Variants in CYP4F22 observed in about 807,000 individuals in gnomAD.
CYP4F22 encodes the protein cytochrome P450 family 4 subfamily F member 22.
A neutral mutation model predicts 60.4 loss-of-function variants in CYP4F22; 37 were observed. That is an observed-to-expected ratio of 0.61 (90% CI 0.47 to 0.81). The LOEUF (loss-of-function observed/expected upper bound fraction) is 0.81. Ranked by LOEUF, CYP4F22 falls within the 30% of genes least tolerant of loss-of-function variation. CYP4F22 has a pLI of 0.00. For missense variants in CYP4F22, 655 were observed against 715.0 expected, an observed-to-expected ratio of 0.92 and a Z score of 0.96; for synonymous variants, 258 against 280.5, an observed-to-expected ratio of 0.92 and a Z score of 0.80.
At chr19:15,538,126 C>T (rs773365465) in intron 7 of CYP4F22, 133 bp downstream of exon 7, 94 of 1,257,052 alleles carry the variant, frequency 7.5e-5, no homozygotes, top group Non-Finnish European at 9.7e-5. Context: ...CATGTGCTTC[C>T]GGGAAACTGA....
At position 15,551,439 on chromosome 19, in the gene CYP4F22, C is replaced by T; in HGVS notation, c.1564C>T (p.Leu522Phe). ...ACTGCGCACGGAGAACGGGCTCTGG[C>T]TCAAGGTGGAGCCGCTGCCTCCGCG... Reference protein sequence around the residue: ...LILRTENGLWLKVEPLPPRA With the variant: ...LILRTENGLWFKVEPLPPRA Residue 522 changes from leucine (L) to phenylalanine (F), a missense_variant, in exon 14 of 14, where the codon CTC (leucine) becomes TTC (phenylalanine). Transcript: ENST00000269703. 5 of 1,579,450 alleles carry T rather than the reference C, an allele frequency of 3.2e-6. No homozygotes were observed. Among genetic ancestry groups the T allele is most frequent in the Non-Finnish European group, 4.3e-6 (5 of 1,163,296 alleles).
chr19:15,517,153 G>A (rs1971165392), intron 1 of CYP4F22, among the ~76,000 whole-genome samples: 3 of 139,650 alleles, frequency 2.1e-5, no homozygotes, highest in Non-Finnish European at 3.0e-5. Flanking sequence ...CCCCACAGTG[G>A]CTGCACTATT....
chr19:15,543,843 C>T (rs945918539), intron 8 of CYP4F22, 128 bp from the exon 9 acceptor site: 163 of 946,982 alleles, frequency 1.7e-4, no homozygotes, highest in Admixed American at 8.3e-4. Context: ...GGTGATAGAG[C>T]GAGACTCCAT....
At chr19:15,526,105 C>T (rs1971279967) in intron 3 of CYP4F22, among the ~76,000 whole-genome samples, 1 of 151,998 alleles carries the variant, frequency 6.6e-6, no homozygotes, top group Non-Finnish European at 1.5e-5. Context: ...TTTGAGGCTG[C>T]AGTGAGCTAT....
intron 8 of CYP4F22, 93 bp downstream of exon 8, chr19:15,540,810 C>T (rs1164529877): frequency 2.8e-5 from 42 of 1,505,622 alleles, no homozygotes; most frequent in Admixed American, 1.8e-4. Context: ...CTCCATTAGG[C>T]GTGGTGGCTC....
chr19:15,551,107 T>C (rs188862275), intron 13 of CYP4F22, among the ~76,000 whole-genome samples, 187 bp from the exon 14 acceptor site: 1 of 152,298 alleles, frequency 6.6e-6, no homozygotes, highest in East Asian at 1.9e-4. Flanking sequence ...ATTCAGACAC[T>C]CAACCCCAAG....
intron 1 of CYP4F22, among the ~76,000 whole-genome samples, chr19:15,519,842 C>T (rs986925277): frequency 1.3e-5 from 2 of 152,156 alleles, no homozygotes; most frequent in African/African-American, 4.8e-5. Flanking sequence ...ACCCACCCCA[C>T]ACCCACTGAC....
Position 15,549,179 on chromosome 19 carries a change from C to T in CYP4F22, c.1312C>T (p.Pro438Ser). The change falls in exon 12 of 14, where the codon CCC becomes TCC. Residue 438 changes from proline (P) to serine (S), a missense_variant. By Grantham distance (74) the Pro-to-Ser change is moderately conservative (BLOSUM62 -1). Around this residue, in one of 3 missense-constraint regions of CYP4F22, gnomAD observed 151 missense variants for 139.4 expected, o/e 1.08. Coordinates refer to ENST00000269703, the MANE Select transcript of CYP4F22 (RefSeq NM_173483.4). ...LVSIYGTHHN[P>S]TVWPDSKVYN... ...CAGCATCTATGGAACCCACCACAAC[C>T]CCACAGTGTGGCCTGACTCCAAGGT... 6.2e-7 allele frequency: 1 copy of T among 1,614,072 alleles called. No homozygotes were observed.
At chr19:15,541,149 G>A (rs1211332986) in intron 8 of CYP4F22, among the ~76,000 whole-genome samples, 1 of 152,214 alleles carries the variant, frequency 6.6e-6, no homozygotes, top group Admixed American at 6.5e-5. Flanking sequence ...GATGGGGTCA[G>A]AACATGTAAG....
At chr19:15,548,030 TGTGTGTGTGTG>T in intron 10 of CYP4F22, 67 bp from the exon 11 acceptor site, 1 of 1,322,268 alleles carries the variant, frequency 7.6e-7, no homozygotes, top group African/African-American at 1.5e-5. Flanking sequence ...TGTGTGTGTG[TGTGTGTGTGTG>T]TGTGTGTGTT....
chr19:15,537,226 G>A, intron 4 of CYP4F22, 135 bp from the exon 5 acceptor site: 2 of 1,148,626 alleles, frequency 1.7e-6, no homozygotes, highest in Admixed American at 3.8e-5. Flanking sequence ...GCTTGAACCT[G>A]GGAGGCGGAG....
intron 1 of CYP4F22, among the ~76,000 whole-genome samples, chr19:15,520,733 G>T (rs1452103639): frequency 6.6e-6 from 1 of 150,876 alleles, no homozygotes; most frequent in Non-Finnish European, 1.5e-5. Flanking sequence ...TACTACAGGC[G>T]AATGCTGCCA....
chr19:15,513,343 T>C (rs892181141), intron 1 of CYP4F22, among the ~76,000 whole-genome samples: 12 of 122,848 alleles, frequency 9.8e-5, no homozygotes, highest in Admixed American at 1.7e-4. Flanking sequence ...GCCCTGCTAA[T>C]TTTTTGTATA....
At chr19:15,515,811 C>T (rs1021670437) in intron 1 of CYP4F22, among the ~76,000 whole-genome samples, 1 of 151,928 alleles carries the variant, frequency 6.6e-6, no homozygotes, top group African/African-American at 2.4e-5. Context: ...GCAAGCTCTG[C>T]CTCCTGGGTT....
chr19:15,537,306 AC>A (rs1971406597), intron 4 of CYP4F22, 54 bp from the exon 5 acceptor site: 13 of 1,611,060 alleles, frequency 8.1e-6, no homozygotes, highest in Non-Finnish European at 1.1e-5. Flanking sequence ...GTAAAAAAAA[AC>A]AAAAAACCAA....
chr19:15,509,505 G>T lies in CYP4F22; in HGVS notation c.-109+922G>T, dbSNP rs79024648. Among the ~76,000 whole-genome samples, 912 of 152,244 alleles carry T rather than the reference G, an allele frequency of 6.0e-3. 9 individuals carry two copies. The highest frequency in any genetic ancestry group is 0.02 in the African/African-American group (843 of 41,540). ...CTGGAGCTGTGCCCAGCCAGGGCTGGCAGCATCAAACTCCTTCTTGTGTAA... is the reference window on the plus strand; with the variant it reads ...CTGGAGCTGTGCCCAGCCAGGGCTGTCAGCATCAAACTCCTTCTTGTGTAA... On this transcript the variant is annotated intron_variant, in intron 1 of 13. Transcript: ENST00000269703.
At chr19:15,516,174 A>G (rs1971152814) in intron 1 of CYP4F22, 1 of 152,266 alleles carries the variant, frequency 6.6e-6, no homozygotes, top group African/African-American at 2.4e-5. Flanking sequence ...AGATATTTGT[A>G]CTAGACATGC....
At chr19:15,536,914 AG>A (rs1971400376) in intron 4 of CYP4F22, among the ~76,000 whole-genome samples, 2 of 152,116 alleles carry the variant, frequency 1.3e-5, no homozygotes, top group Admixed American at 6.6e-5. Flanking sequence ...TTTCTCGGGT[AG>A]GTGTGGAGGA....
intron 10 of CYP4F22, among the ~76,000 whole-genome samples, chr19:15,547,742 G>C (rs1971542777): frequency 6.6e-6 from 1 of 151,532 alleles, no homozygotes; most frequent in East Asian, 1.9e-4. Context: ...AAAATTGCTT[G>C]AACCTGCAAG....
Sources: gnomAD v4.1 joint callset for allele counts (sites outside exome capture counted in the v4.1 genomes callset) on GRCh38, gnomAD v4.1.1 for gene constraint, gnomAD v4.1.1 regional missense constraint, MANE v1.5 for transcripts, NCBI Gene and HGNC (gene_info 2026-07-23, HGNC 2026-07-21) for gene names.